ZNF578: variants seen among roughly 807,000 people sequenced by gnomAD.
The protein encoded by ZNF578 is Putative chemokine-related protein B42.
A neutral mutation model predicts 8.3 loss-of-function variants in ZNF578; 8 were observed. The observed-to-expected ratio is 0.96, with a 90% CI of 0.56 to 1.74. The LOEUF (loss-of-function observed/expected upper bound fraction) is 1.74, where lower values mean the gene tolerates loss of function less well. Among genes scored for constraint, ZNF578 ranks in the 40% most tolerant of loss-of-function variants. The pLI, the probability that ZNF578 is intolerant of heterozygous loss-of-function variation, is 0.00. For synonymous variants in ZNF578, 206 were observed against 232.2 expected (o/e 0.89, Z 1.03); for missense variants, 726 against 707.5 (o/e 1.03, Z -0.30).
chr19:52,476,176 T>TG (rs1415285821), intron 2 of ZNF578, among the ~76,000 whole-genome samples: 2 of 152,138 alleles, frequency 1.3e-5, no homozygotes, highest in African/African-American at 4.8e-5. Flanking sequence ...CTGCTGGGGC[T>TG]GGCAGACCTT....
chr19:52,507,599 A>G (rs1012498700), intron 5 of ZNF578, among the ~76,000 whole-genome samples: 21 of 152,216 alleles, frequency 1.4e-4, no homozygotes, highest in Non-Finnish European at 5.9e-5. Flanking sequence ...TTTATTTCTC[A>G]TTAATCTGGA....
chr19:52,476,292 A>G (rs76779724), intron 2 of ZNF578, among the ~76,000 whole-genome samples: 2,605 of 152,226 alleles, frequency 0.017, 57 homozygotes, highest in African/African-American at 0.052. Flanking sequence ...GGTGAATTCC[A>G]GCTGACATCA....
At chr19:52,503,664 C>T (rs928580849) in intron 4 of ZNF578, among the ~76,000 whole-genome samples, 2 of 152,038 alleles carry the variant, frequency 1.3e-5, no homozygotes, top group Non-Finnish European at 2.9e-5. Context: ...TTTTTAGATT[C>T]GGACTTTTCT....
chr19:52,478,208 T>C (rs1294016926), intron 2 of ZNF578, among the ~76,000 whole-genome samples: 1 of 152,210 alleles, frequency 6.6e-6, no homozygotes, highest in Non-Finnish European at 1.5e-5. Context: ...AGAAGGTGCA[T>C]AGCACCAAAT....
intron 1 of ZNF578, chr19:52,455,462 TG>T (rs1201319996): frequency 6.6e-6 from 1 of 152,402 alleles, no homozygotes; most frequent in African/African-American, 2.4e-5. Context: ...CCCAAAGTGC[TG>T]GGATTACAGG....
At chr19:52,480,165 C>G (rs1179202190) in intron 2 of ZNF578, among the ~76,000 whole-genome samples, 1 of 152,124 alleles carries the variant, frequency 6.6e-6, no homozygotes, top group African/African-American at 2.4e-5. Context: ...TTCGGCCTAC[C>G]AAAGTGCTGG....
rs1235650897 is a variant in ZNF578 at position 52,512,958 on chromosome 19, T to G, written c.*804T>G. Among the ~76,000 whole-genome samples the G allele has an allele frequency of 6.6e-6, 1 of 152,096 alleles. No homozygotes were observed. The highest frequency in any genetic ancestry group is 1.5e-5 in the Non-Finnish European group (1 of 68,016). On this transcript the variant is annotated 3_prime_UTR_variant, in exon 6 of 6. Transcript: ENST00000421239. Reference sequence around the variant, plus strand: ...ACATTGGGAGGCCAAGGCACATAGGTCACTTGAGGTCAAGAGTTTGAAACA... The same window carrying G: ...ACATTGGGAGGCCAAGGCACATAGGGCACTTGAGGTCAAGAGTTTGAAACA...
rs1038754586 is a variant in ZNF578 at position 52,516,882 on chromosome 19, A to C, written c.*4728A>C. Reference sequence around the variant, plus strand: ...ATAAACAGCCTCGTTGCTCACACAAAGCCTGTTTAGTGGTCTCTTCACACG... The same window carrying C: ...ATAAACAGCCTCGTTGCTCACACAACGCCTGTTTAGTGGTCTCTTCACACG... On this transcript the variant is annotated 3_prime_UTR_variant, in exon 6 of 6. Transcript: ENST00000421239. Among the ~76,000 whole-genome samples the C allele has an allele frequency of 6.6e-6, 1 of 152,176 alleles. No individual in the cohort carries two copies. Among genetic ancestry groups the C allele is most frequent in the African/African-American group, 2.4e-5 (1 of 41,438 alleles).
chr19:52,469,828 A>T (rs575443970), intron 2 of ZNF578, among the ~76,000 whole-genome samples: 2 of 152,294 alleles, frequency 1.3e-5, no homozygotes, highest in African/African-American at 4.8e-5. Context: ...TTAGCCTCAA[A>T]GCTTCTAAGG....
At chr19:52,492,315 T>C (rs1344732048) in intron 3 of ZNF578, among the ~76,000 whole-genome samples, 1 of 152,058 alleles carries the variant, frequency 6.6e-6, no homozygotes, top group Non-Finnish European at 1.5e-5. Context: ...ACCTCAGGCT[T>C]CCGCCTCGTG....
intron 3 of ZNF578, among the ~76,000 whole-genome samples, chr19:52,499,426 A>G (rs1296655161): frequency 6.6e-6 from 1 of 152,070 alleles, no homozygotes; most frequent in East Asian, 1.9e-4. Context: ...TAGTCTCCTC[A>G]GCTCTCTCCT....
chr19:52,457,092 T>C (rs2059242036), intron 2 of ZNF578, 134 bp downstream of exon 2: 1 of 152,614 alleles, frequency 6.6e-6, no homozygotes, highest in Admixed American at 6.5e-5. Context: ...TACAATCTTT[T>C]GTTGTAATGT....
chr19:52,505,075 T>C (rs1431210353), intron 5 of ZNF578, among the ~76,000 whole-genome samples: 2 of 152,090 alleles, frequency 1.3e-5, no homozygotes, highest in Non-Finnish European at 2.9e-5. Flanking sequence ...TTAGTAGAGA[T>C]GGGGTTTCTC....
At chr19:52,463,199 A>G (rs1599882051) in intron 2 of ZNF578, among the ~76,000 whole-genome samples, 1 of 152,150 alleles carries the variant, frequency 6.6e-6, no homozygotes, top group Non-Finnish European at 1.5e-5. Flanking sequence ...TAGCCTGTCC[A>G]TTGTCTGTTT....
chr19:52,510,874 C>A lies in ZNF578; in HGVS notation c.493C>A (p.Pro165Thr). ...QLGLSFHLHL[P>T]ELHIFQPEEK... ...TGGATTAAGCTTTCATTTGCATCTTCCTGAACTCCACATATTTCAGCCCGA... is the reference window on the plus strand; with the variant it reads ...TGGATTAAGCTTTCATTTGCATCTTACTGAACTCCACATATTTCAGCCCGA... The change falls in exon 6 of 6, where the codon CCT (proline) becomes ACT (threonine). Residue 165 changes from proline to threonine, a missense_variant. By Grantham distance (38) the Pro-to-Thr change is conservative (BLOSUM62 -1). Coordinates refer to ENST00000421239, the MANE Select transcript of ZNF578 (RefSeq NM_001099694.2). 1 of 1,614,174 alleles carries A rather than the reference C, an allele frequency of 6.2e-7. No homozygotes were observed. Among genetic ancestry groups the A allele is most frequent in the South Asian group, 1.1e-5 (1 of 91,084 alleles).
intron 2 of ZNF578, 149 bp from the exon 3 acceptor site, chr19:52,491,175 A>G (rs1272375530): frequency 6.5e-6 from 1 of 153,458 alleles, no homozygotes; most frequent in East Asian, 1.9e-4. Flanking sequence ...TTTATATTAA[A>G]GAATCTTACT....
chr19:52,498,333 T>G (rs1241634374), intron 3 of ZNF578, among the ~76,000 whole-genome samples: 59 of 86,706 alleles, frequency 6.8e-4, no homozygotes, highest in East Asian at 1.8e-3. Flanking sequence ...ATGTGTGTTT[T>G]TTTTTTTTTT....
intron 2 of ZNF578, among the ~76,000 whole-genome samples, chr19:52,469,379 C>T (rs547827693): frequency 2.0e-4 from 30 of 152,008 alleles, no homozygotes; most frequent in African/African-American, 5.1e-4. Flanking sequence ...AGGCTGATCT[C>T]GAACTCCCGA....
intron 3 of ZNF578, among the ~76,000 whole-genome samples, chr19:52,496,138 C>T (rs12461522): frequency 0.074 from 11,248 of 151,406 alleles, 548 homozygotes; most frequent in Middle Eastern, 0.14. Flanking sequence ...TCTGCCTCAG[C>T]CTCCCGAGCA....
Sources: allele counts gnomAD v4.1 joint callset (sites outside exome capture counted in the v4.1 genomes callset), GRCh38; gene constraint gnomAD v4.1.1; transcripts MANE v1.5; gene names NCBI Gene and HGNC (gene_info 2026-07-23, HGNC 2026-07-21).